The following PLEKHA1 variants were observed in gnomAD, a reference collection of about 807,000 sequenced individuals.
The protein encoded by PLEKHA1 is pleckstrin homology domain containing A1, also known as pleckstrin homology domain-containing family A member 1.
PLEKHA1 carries 34 observed loss-of-function variants against 52.0 expected under a neutral mutation model. The observed-to-expected ratio is 0.65, with a 90% confidence interval of 0.50 to 0.87. The LOEUF (loss-of-function observed/expected upper bound fraction) is 0.87, where lower values mean the gene tolerates loss of function less well. PLEKHA1 is among the 40% of genes least tolerant of loss of function. The pLI, the probability that PLEKHA1 is intolerant of heterozygous loss-of-function variation, is 0.00. For missense variants in PLEKHA1, 497 were observed against 504.2 expected (o/e 0.99, Z 0.14); for synonymous variants, 163 against 170.7 (o/e 0.95, Z 0.35).
chr10:122,414,388 GTA>G (rs1427221608), intron 6 of PLEKHA1, among the ~76,000 whole-genome samples: 3 of 151,912 alleles, frequency 2.0e-5, no homozygotes, highest in African/African-American at 7.2e-5. Context: ...TTATTTTGTA[GTA>G]TAGTTTTAAA....
In PLEKHA1 at chr10:122,393,206, T is replaced by C; in HGVS notation, c.6T>C (p.Pro2=). ...TGTAATGTTCAAGCTCAGAAATGCC[T>C]TATGTGGATCGTCAGAATCGCATTT... M[P]YVDRQNRICG... Residue 2 remains proline (P), a synonymous_variant, in exon 2 of 12, where the codon CCT becomes CCC. Coordinates refer to ENST00000368990, the MANE Select transcript of PLEKHA1 (RefSeq NM_001001974.4). This position sits in a 1 kb window ranked among gnomAD's most constrained non-coding sequence, Gnocchi z 4.5. 1 of 1,611,204 alleles carries C rather than the reference T, an allele frequency of 6.2e-7. No individual in the cohort carries two copies. The highest frequency in any genetic ancestry group is 1.3e-5 in the African/African-American group (1 of 74,958).
intron 6 of PLEKHA1, among the ~76,000 whole-genome samples, chr10:122,413,304 G>A (rs991165083): frequency 2.0e-5 from 3 of 151,926 alleles, no homozygotes; most frequent in Non-Finnish European, 1.5e-5. Flanking sequence ...ATTACATTTT[G>A]TAAACAGATT....
the PLEKHA1 span, chr10:122,442,552 C>T: frequency 6.6e-6 from 1 of 152,060 alleles, no homozygotes; most frequent in East Asian, 1.9e-4. Context: ...TGTAAACAAG[C>T]CAAATGTCAT....
the PLEKHA1 span, chr10:122,441,269 A>C: frequency 6.6e-6 from 1 of 152,176 alleles, no homozygotes; most frequent in Non-Finnish European, 1.5e-5. Context: ...CAGGAGTTCG[A>C]GATGAGCCTA....
chr10:122,429,271 G>T (rs1435463188), intron 11 of PLEKHA1, among the ~76,000 whole-genome samples: 2 of 152,112 alleles, frequency 1.3e-5, no homozygotes, highest in East Asian at 1.9e-4. Context: ...CAGCTGGGAG[G>T]TTCTCTTTTA....
chr10:122,437,299 A>G (rs1022632842), downstream of PLEKHA1: 1 of 152,172 alleles, frequency 6.6e-6, no homozygotes, highest in Non-Finnish European at 1.5e-5. Flanking sequence ...TTTCAGCCCG[A>G]ACAACTAGAA....
chr10:122,376,518 ATATATATATATATAT>A (rs2096538481), intron 1 of PLEKHA1, among the ~76,000 whole-genome samples: 2 of 43,556 alleles, frequency 4.6e-5, no homozygotes, highest in African/African-American at 6.1e-5. Flanking sequence ...ATATATATAT[ATATATATATATATAT>A]AATATAAATA....
intron 4 of PLEKHA1, among the ~76,000 whole-genome samples, chr10:122,404,788 T>C (rs1310794662): frequency 6.6e-6 from 1 of 152,228 alleles, no homozygotes; most frequent in African/African-American, 2.4e-5. Flanking sequence ...GGCTTTGACT[T>C]CCTTTCTGAG....
intron 2 of PLEKHA1, among the ~76,000 whole-genome samples, chr10:122,394,387 T>C (rs550280800): frequency 6.6e-6 from 1 of 152,250 alleles, no homozygotes; most frequent in African/African-American, 2.4e-5. Context: ...TTTGGAACTT[T>C]TTATCTTCAA....
intron 1 of PLEKHA1, chr10:122,392,444 T>C (rs2096789354): frequency 1.3e-5 from 2 of 152,154 alleles, no homozygotes; most frequent in South Asian, 2.1e-4. Flanking sequence ...TGATAGGTGA[T>C]GTTTGTGTCT....
At chr10:122,401,249 G>A (rs961222752) in intron 4 of PLEKHA1, among the ~76,000 whole-genome samples, 1 of 152,164 alleles carries the variant, frequency 6.6e-6, no homozygotes, top group African/African-American at 2.4e-5. Context: ...ACGAGCAATA[G>A]GTTTTATTAC....
intron 3 of PLEKHA1, among the ~76,000 whole-genome samples, chr10:122,399,529 T>C (rs1323204969): frequency 6.6e-6 from 1 of 152,170 alleles, no homozygotes; most frequent in African/African-American, 2.4e-5. Context: ...TTAATCTTAA[T>C]TATTAAGATT....
intron 9 of PLEKHA1, 137 bp downstream of exon 9, chr10:122,424,400 C>G: frequency 1.0e-6 from 1 of 980,304 alleles, no homozygotes; most frequent in Non-Finnish European, 1.4e-6. Flanking sequence ...TTGAGATACA[C>G]TAGAATTTTC....
chr10:122,417,750 G>T (rs1476527247), intron 7 of PLEKHA1, 150 bp from the exon 8 acceptor site: 1 of 562,124 alleles, frequency 1.8e-6, no homozygotes, highest in African/African-American at 1.9e-5. Context: ...AGAGGGATGA[G>T]GTTTAATTTA....
intron 1 of PLEKHA1, among the ~76,000 whole-genome samples, chr10:122,383,575 C>T (rs2096647183): frequency 1.3e-5 from 2 of 151,582 alleles, no homozygotes; most frequent in East Asian, 3.9e-4. Context: ...CCTCAGCCTC[C>T]CAAAGTGCTG....
chr10:122,383,670 T>G (rs2133743985), intron 1 of PLEKHA1, among the ~76,000 whole-genome samples: 1 of 152,222 alleles, frequency 6.6e-6, no homozygotes. Context: ...TGAAAAGGAC[T>G]CCTCCTTTTT....
At chr10:122,404,646 A>G (rs898113664) in intron 4 of PLEKHA1, among the ~76,000 whole-genome samples, 12 of 152,218 alleles carry the variant, frequency 7.9e-5, no homozygotes, top group African/African-American at 2.9e-4. Context: ...TGAATTATGG[A>G]TTTATCTTAA....
intron 1 of PLEKHA1, among the ~76,000 whole-genome samples, chr10:122,378,525 C>G (rs1254306411): frequency 6.6e-6 from 1 of 152,004 alleles, no homozygotes; most frequent in Non-Finnish European, 1.5e-5. Flanking sequence ...AGCTTGAGCC[C>G]AGGAGTTTGA....
intron 1 of PLEKHA1, among the ~76,000 whole-genome samples, chr10:122,385,450 T>C (rs2096677705): frequency 6.6e-6 from 1 of 151,614 alleles, no homozygotes; most frequent in South Asian, 2.1e-4. Flanking sequence ...CCTGAGTAGC[T>C]GGGATTAGAG....
Sources: allele counts gnomAD v4.1 joint callset (sites outside exome capture counted in the v4.1 genomes callset), GRCh38; gene constraint gnomAD v4.1.1; non-coding constraint Gnocchi (gnomAD v3.1); transcripts MANE v1.5; gene names NCBI Gene and HGNC (gene_info 2026-07-23, HGNC 2026-07-21).